TBX15: variants seen among roughly 807,000 people sequenced by gnomAD.
TBX15 encodes T-box transcription factor TBX15.
A neutral mutation model predicts 53.9 loss-of-function variants in TBX15; 18 were observed. That is an observed-to-expected ratio of 0.33 (90% CI 0.23 to 0.49). TBX15 has a LOEUF of 0.49. Ranked by LOEUF, TBX15 falls within the 20% of genes least tolerant of loss-of-function variation. The pLI, the probability that TBX15 is intolerant of heterozygous loss-of-function variation, is 0.98. For missense variants in TBX15, 692 were observed against 749.5 expected, an observed-to-expected ratio of 0.92 and a Z score of 0.90; for synonymous variants, 295 against 278.0, an observed-to-expected ratio of 1.06 and a Z score of -0.61.
At chr1:118,954,828 G>C (rs1656627554) in intron 1 of TBX15, among the ~76,000 whole-genome samples, 5 of 152,186 alleles carry the variant, frequency 3.3e-5, no homozygotes, top group Admixed American at 2.6e-4. Flanking sequence ...ATGCACACAG[G>C]CATCTCAGCT....
chr1:118,983,549 C>A (rs181427898), intron 1 of TBX15, among the ~76,000 whole-genome samples: 2 of 152,304 alleles, frequency 1.3e-5, no homozygotes, highest in Admixed American at 1.3e-4. Flanking sequence ...CAAACTCGGG[C>A]CTTAGATCCC....
chr1:118,915,966 T>C (rs1206895958), intron 5 of TBX15, among the ~76,000 whole-genome samples: 1 of 152,166 alleles, frequency 6.6e-6, no homozygotes, highest in Non-Finnish European at 1.5e-5. Flanking sequence ...TCTCAAGTGT[T>C]AGAAAAAAAC....
intron 1 of TBX15, among the ~76,000 whole-genome samples, chr1:118,980,150 C>T (rs1018861170): frequency 1.3e-5 from 2 of 152,070 alleles, no homozygotes; most frequent in Non-Finnish European, 2.9e-5. Flanking sequence ...AAGAATTGGA[C>T]GTTTTCATCG....
chr1:118,956,802 AT>A (rs982623457), intron 1 of TBX15, among the ~76,000 whole-genome samples: 1 of 143,462 alleles, frequency 7.0e-6, no homozygotes, highest in Non-Finnish European at 1.5e-5. Flanking sequence ...AAAAAAAAAA[AT>A]TAGCCGGAAA....
chr1:118,927,848 C>T (rs568814561), intron 2 of TBX15, among the ~76,000 whole-genome samples: 1 of 152,282 alleles, frequency 6.6e-6, no homozygotes, highest in African/African-American at 2.4e-5. Context: ...TCAAGCCGGA[C>T]ATAAAAAGTT....
rs768619840 is a variant in TBX15 at position 118,923,611 on chromosome 1, A to G, written c.694-8T>C. Reference sequence around the variant, plus strand: ...CATAGAGTGCAGAATGATCTGAAATAAAAAGGGGAATTGTACCAGGCTTGG... The same window carrying G: ...CATAGAGTGCAGAATGATCTGAAATGAAAAGGGGAATTGTACCAGGCTTGG... On this transcript the variant is annotated splice_region_variant and splice_polypyrimidine_tract_variant and intron_variant, in intron 4 of 7. Transcript: ENST00000369429. The G allele has an allele frequency of 2.4e-5, 38 of 1,613,756 alleles. No individual in the cohort carries two copies. Among genetic ancestry groups the G allele is most frequent in the Admixed American group, 5.0e-5 (3 of 59,974 alleles).
intron 7 of TBX15, among the ~76,000 whole-genome samples, chr1:118,896,761 T>C (rs1366246676): frequency 6.6e-6 from 1 of 152,190 alleles, no homozygotes; most frequent in East Asian, 1.9e-4. Flanking sequence ...CTTCTCTTCA[T>C]TCATGATACT....
chr1:118,918,269 C>T (rs576850967), intron 5 of TBX15, among the ~76,000 whole-genome samples: 92 of 152,280 alleles, frequency 6.0e-4, no homozygotes, highest in African/African-American at 2.2e-3. Context: ...CCCCGGACCA[C>T]AGGTAGGAAC....
At chr1:118,977,106 G>T (rs1021491815) in intron 1 of TBX15, among the ~76,000 whole-genome samples, 1 of 152,128 alleles carries the variant, frequency 6.6e-6, no homozygotes, top group African/African-American at 2.4e-5. Context: ...TAACTAACTT[G>T]CCCAAGGTCA....
intron 6 of TBX15, chr1:118,901,506 A>G: frequency 2.3e-6 from 1 of 440,860 alleles, no homozygotes. Flanking sequence ...AGGCAAGAAG[A>G]CTGTGACAAA....
intron 2 of TBX15, among the ~76,000 whole-genome samples, chr1:118,927,204 C>G (rs1655628853): frequency 6.6e-6 from 1 of 152,124 alleles, no homozygotes; most frequent in Admixed American, 6.6e-5. Context: ...TCATACTCTC[C>G]AAGGGTTCAA....
chr1:118,895,377 T>G (rs950327117), intron 7 of TBX15, among the ~76,000 whole-genome samples: 1 of 152,302 alleles, frequency 6.6e-6, no homozygotes, highest in African/African-American at 2.4e-5. Context: ...AGTTATCAAA[T>G]AGCTTGAAGT....
At chr1:118,908,161 T>C (rs938900394) in intron 6 of TBX15, among the ~76,000 whole-genome samples, 2 of 152,218 alleles carry the variant, frequency 1.3e-5, no homozygotes, top group African/African-American at 2.4e-5. Flanking sequence ...GGGATAGGGC[T>C]TTCTTTCTCT....
At chr1:118,923,634 T>A in intron 4 of TBX15, 31 bp from the exon 5 acceptor site, 1 of 1,613,660 alleles carries the variant, frequency 6.2e-7, no homozygotes, top group Non-Finnish European at 8.5e-7. Flanking sequence ...GTACCAGGCT[T>A]GGCTTTAAGG....
At chr1:118,896,306 T>C (rs182720388) in intron 7 of TBX15, among the ~76,000 whole-genome samples, 10 of 152,310 alleles carry the variant, frequency 6.6e-5, no homozygotes, top group Admixed American at 5.2e-4. Context: ...CTCCATTCAA[T>C]GTGATTTTAA....
chr1:118,886,361 C>T (rs575716670), intron 7 of TBX15, among the ~76,000 whole-genome samples: 3 of 152,222 alleles, frequency 2.0e-5, no homozygotes, highest in African/African-American at 7.2e-5. Flanking sequence ...TCTGGGTCTG[C>T]TCACAACTCT....
intron 6 of TBX15, among the ~76,000 whole-genome samples, chr1:118,902,170 A>G (rs2101517204): frequency 6.6e-6 from 1 of 152,204 alleles, no homozygotes; most frequent in Non-Finnish European, 1.5e-5. Context: ...GATTTTATTT[A>G]TGTATTCAGT....
intron 3 of TBX15, among the ~76,000 whole-genome samples, chr1:118,926,123 A>G (rs1655587893): frequency 6.6e-6 from 1 of 152,198 alleles, no homozygotes; most frequent in Non-Finnish European, 1.5e-5. Context: ...CATCAAATAT[A>G]CATTTTAATA....
chr1:118,987,924 C>T lies in TBX15; in HGVS notation c.-129G>A, dbSNP rs989937517. ...GGCGCGTCGGACGAGGCTGAGACTG[C>T]GGCTCGCGGGTCTCTCCACCCTCCC... On this transcript the variant is annotated 5_prime_UTR_variant, in exon 1 of 8. Coordinates refer to ENST00000369429, the MANE Select transcript of TBX15 (RefSeq NM_001330677.2). The T allele has an allele frequency of 2.3e-3, 2,695 of 1,186,560 alleles. 4 individuals carry two copies. Among genetic ancestry groups the T allele is most frequent in the Non-Finnish European group, 2.9e-3 (2,480 of 856,656 alleles). 73.5% of individuals were successfully genotyped at this position (1,186,560 alleles called of 1,614,324 possible). A position where few individuals can be genotyped will look rare whatever the true frequency, so the allele number is the denominator to read the frequency against.
Sources: allele counts gnomAD v4.1 joint callset (sites outside exome capture counted in the v4.1 genomes callset), GRCh38; gene constraint gnomAD v4.1.1; transcripts MANE v1.5; gene names NCBI Gene and HGNC (gene_info 2026-07-23, HGNC 2026-07-21).